The following ZNF426 variants were observed in gnomAD, a reference collection of about 807,000 sequenced individuals.
ZNF426 encodes the protein CTC-543D15.7.
ZNF426 carries 23 observed loss-of-function variants against 24.0 expected under a neutral mutation model. That is an observed-to-expected ratio of 0.96 (90% CI 0.69 to 1.36). The LOEUF (loss-of-function observed/expected upper bound fraction) is 1.36, where lower values mean the gene tolerates loss of function less well. ZNF426 is among the 40% of genes most tolerant of loss of function. ZNF426 has a pLI of 0.00. For missense variants in ZNF426, 646 were observed against 658.4 expected, an observed-to-expected ratio of 0.98 and a Z score of 0.21; for synonymous variants, 272 against 224.6, an observed-to-expected ratio of 1.21 and a Z score of -1.89.
At chr19:9,531,751 G>A (rs1045897986) in intron 6 of ZNF426, among the ~76,000 whole-genome samples, 12 of 152,130 alleles carry the variant, frequency 7.9e-5, no homozygotes, top group Non-Finnish European at 1.3e-4. Flanking sequence ...TTGGGAGGCC[G>A]AGGCAGGCAG....
chr19:9,531,035 T>C lies in ZNF426; in HGVS notation c.358A>G (p.Ile120Val), dbSNP rs377088245. 4.6e-5 allele frequency: 74 copies of C among 1,614,036 alleles called. No individual in the cohort carries two copies. Among genetic ancestry groups the C allele is most frequent in the African/African-American group, 2.0e-4 (15 of 74,936 alleles). Residue 120 changes from isoleucine to valine, a missense_variant, in exon 7 of 8, where the codon ATA becomes GTA. Ile to Val is a conservative substitution (Grantham distance 29). Coordinates refer to ENST00000253115, the MANE Select transcript of ZNF426 (RefSeq NM_024106.3). Reference protein sequence around the residue: ...WEMRLETQWSILQQDFLRGQT... With the variant: ...WEMRLETQWSVLQQDFLRGQT... ...CCCCTCAAAAAGTCCTGCTGAAGTA[T>C]AGACCACTGGGTTTCAAGTCGCATT... is the stretch of plus-strand genomic sequence containing the variant.
intron 3 of ZNF426, among the ~76,000 whole-genome samples, chr19:9,535,651 T>C (rs2073954460): frequency 6.6e-6 from 1 of 150,930 alleles, no homozygotes; most frequent in African/African-American, 2.5e-5. Flanking sequence ...ACAGTGAACA[T>C]AAACTCCCCA....
At chr19:9,537,714 G>A (rs1161603399) in intron 2 of ZNF426, among the ~76,000 whole-genome samples, 1 of 151,718 alleles carries the variant, frequency 6.6e-6, no homozygotes, top group African/African-American at 2.4e-5. Context: ...GCAGTGGCAC[G>A]ATCTCAGCTC....
intron 7 of ZNF426, 43 bp from the exon 8 acceptor site, chr19:9,529,679 T>C: frequency 6.5e-7 from 1 of 1,535,704 alleles, no homozygotes; most frequent in Non-Finnish European, 8.7e-7. Flanking sequence ...TTCTCAAACA[T>C]ATTAACAGAA....
chr19:9,535,011 G>A (rs924989403), intron 4 of ZNF426, among the ~76,000 whole-genome samples, 177 bp downstream of exon 4: 8 of 151,176 alleles, frequency 5.3e-5, no homozygotes, highest in Admixed American at 3.3e-4. Context: ...CCTGGAGACC[G>A]GAGCTTGCAG....
chr19:9,532,961 A>G, intron 5 of ZNF426, 36 bp from the exon 6 acceptor site: 2 of 1,527,472 alleles, frequency 1.3e-6, no homozygotes, highest in Non-Finnish European at 1.8e-6. Context: ...GAAGAGGCTC[A>G]TAAAAAAGAT....
chr19:9,536,481 G>A (rs1357235563), intron 2 of ZNF426, 125 bp from the exon 3 acceptor site: 6 of 866,478 alleles, frequency 6.9e-6, no homozygotes, highest in Non-Finnish European at 8.5e-6. Context: ...TGGGAGGACT[G>A]CTTCAGCCTA....
intron 4 of ZNF426, 74 bp downstream of exon 4, chr19:9,535,114 C>A: frequency 2.1e-5 from 20 of 973,012 alleles, no homozygotes; most frequent in East Asian, 3.0e-5. Context: ...GGAGACAACT[C>A]TGCCTAGAGG....
chr19:9,528,423 T>TA lies in ZNF426; in HGVS notation c.1621dup (p.Tyr541LeufsTer11). 1 of 1,609,610 alleles carries TA rather than the reference T, an allele frequency of 6.2e-7. No individual in the cohort carries two copies. The highest frequency in any genetic ancestry group is 8.5e-7 in the Non-Finnish European group (1 of 1,178,328). Reference sequence around the variant, plus strand: ...TCTTCGAAGTGAACGGGGATGACTGTAAGCTTTCCCGCATTGCTGACATTT... The same window carrying TA: ...TCTTCGAAGTGAACGGGGATGACTGTAAAGCTTTCCCGCATTGCTGACATTT... On this transcript the variant is annotated frameshift_variant, in exon 8 of 8. Coordinates refer to ENST00000253115, the MANE Select transcript of ZNF426 (RefSeq NM_024106.3). LOFTEE classifies it low-confidence loss of function (END_TRUNC).
At chr19:9,533,072 A>G (rs2073911445) in intron 5 of ZNF426, 147 bp from the exon 6 acceptor site, 1 of 661,578 alleles carries the variant, frequency 1.5e-6, no homozygotes, top group African/African-American at 2.1e-5. Flanking sequence ...CTGTGCCCCA[A>G]ACAGTCTGGT....
At chr19:9,534,051 C>T (rs1424565090) in intron 4 of ZNF426, 85 bp from the exon 5 acceptor site, 2 of 1,551,408 alleles carry the variant, frequency 1.3e-6, no homozygotes, top group East Asian at 2.3e-5. Flanking sequence ...GACCCAATGC[C>T]TATGCAGGAT....
chr19:9,533,028 T>A, intron 5 of ZNF426, 103 bp from the exon 6 acceptor site: 1 of 1,004,220 alleles, frequency 1.0e-6, no homozygotes, highest in Non-Finnish European at 1.5e-6. Context: ...TGAAGCTATT[T>A]CAAAAGGGCG....
rs148390332 is a variant in ZNF426, at chr19:9,527,872, A to T, written c.*508T>A. The T allele has an allele frequency of 4.3e-4, 66 of 152,774 alleles. No homozygotes were observed. The highest frequency in any genetic ancestry group is 7.0e-4 in the Non-Finnish European group (48 of 68,506). The allele number at this position is 152,774 out of a possible 1,614,324, so 9.5% of individuals were successfully genotyped here. On this transcript the variant is annotated 3_prime_UTR_variant, in exon 8 of 8. Coordinates refer to ENST00000253115, the MANE Select transcript of ZNF426 (RefSeq NM_024106.3). ...TTGGCTTGCAGATGGCCATCATCTG[A>T]TGACTTCACATCATCTTCTATTTGT... is the stretch of plus-strand genomic sequence containing the variant.
intron 6 of ZNF426, among the ~76,000 whole-genome samples, chr19:9,532,161 G>A (rs1398953684): frequency 1.3e-5 from 2 of 151,738 alleles, no homozygotes; most frequent in South Asian, 4.2e-4. Flanking sequence ...TAGATACATT[G>A]GACAAAAGGA....
At position 9,527,400 on chromosome 19, in the gene ZNF426, G is replaced by A. The variant is rs941696261; in HGVS notation, c.*980C>T. 2 of 152,194 alleles carry A rather than the reference G, an allele frequency of 1.3e-5. No individual in the cohort carries two copies. The highest frequency in any genetic ancestry group is 4.8e-5 in the African/African-American group (2 of 41,430). 9.4% of individuals were successfully genotyped at this position (152,194 alleles called of 1,614,324 possible). ...TATGGTGTATGGGGTCACATTCCTT[G>A]CGTTCACAGTAAAAGAAACTTTCTT... On this transcript the variant is annotated 3_prime_UTR_variant, in exon 8 of 8. Coordinates refer to ENST00000253115, the MANE Select transcript of ZNF426 (RefSeq NM_024106.3).
chr19:9,530,620 G>T (rs901343590), intron 7 of ZNF426, among the ~76,000 whole-genome samples: 5 of 151,824 alleles, frequency 3.3e-5, no homozygotes, highest in African/African-American at 4.8e-5. Context: ...GAATTAGCTG[G>T]GTGTGGTGGT....
chr19:9,529,613 T>G lies in ZNF426; in HGVS notation c.432A>C (p.Glu144Asp). Reference sequence around the variant, plus strand: ...CTCCACATTGCTCACAGTCACAGAGTTCCCTTCCATTGTGTTTTCCTTCCT... The same window carrying G: ...CTCCACATTGCTCACAGTCACAGAGGTCCCTTCCATTGTGTTTTCCTTCCT... Reference protein sequence around the residue: ...IQLEGKHNGRELCDCEQCGEV... With the variant: ...IQLEGKHNGRDLCDCEQCGEV... Residue 144 changes from glutamate to aspartate, a missense_variant, in exon 8 of 8, where the codon GAA (glutamate) becomes GAC (aspartate). Physicochemically the swap from Glu to Asp is conservative, Grantham distance 45. Coordinates refer to ENST00000253115, the MANE Select transcript of ZNF426 (RefSeq NM_024106.3). 6 of 1,593,796 alleles carry G rather than the reference T, an allele frequency of 3.8e-6. No individual in the cohort carries two copies. The highest frequency in any genetic ancestry group is 5.1e-6 in the Non-Finnish European group (6 of 1,176,462).
In ZNF426 at chr19:9,536,199, A is replaced by G; in HGVS notation, c.25+9T>C. 1 of 1,614,172 alleles carries G rather than the reference A, an allele frequency of 6.2e-7. No individual in the cohort carries two copies. The highest frequency in any genetic ancestry group is 8.5e-7 in the Non-Finnish European group (1 of 1,180,040). On this transcript the variant is annotated intron_variant, in intron 3 of 7. Coordinates refer to ENST00000253115, the MANE Select transcript of ZNF426 (RefSeq NM_024106.3). ...AACAGGATATCCTAAAAAGAGCAAC[A>G]GAGCTTACCATGGGACAAATCAGCA...
Position 9,533,854 on chromosome 19 carries a change from T to C in ZNF426, c.230A>G (p.Asn77Ser), listed in dbSNP as rs1201501310. ...YSDVMLENYKNLATVGGQIIK... is the reference protein window; with the variant it reads ...YSDVMLENYKSLATVGGQIIK... ...GCCAGTCTTACCTACTGTGGCCAGG[T>C]TCTTGTAGTTCTCCAGCATCACGTC... Residue 77 changes from asparagine (N) to serine (S), a missense_variant, in exon 5 of 8, where the codon AAC becomes AGC. By Grantham distance (46) the Asn-to-Ser change is conservative. Coordinates refer to ENST00000253115, the MANE Select transcript of ZNF426 (RefSeq NM_024106.3). 6.2e-7 allele frequency: 1 copy of C among 1,614,012 alleles called. No individual in the cohort carries two copies. The highest frequency in any genetic ancestry group is 1.3e-5 in the African/African-American group (1 of 75,022).
Sources: gnomAD v4.1 joint callset for allele counts (sites outside exome capture counted in the v4.1 genomes callset) on GRCh38, gnomAD v4.1.1 for gene constraint, MANE v1.5 for transcripts, NCBI Gene and HGNC (gene_info 2026-07-23, HGNC 2026-07-21) for gene names.